SEMA3D: variants seen among roughly 807,000 people sequenced by gnomAD.
SEMA3D encodes semaphorin 3D, also known as semaphorin-3D.
In SEMA3D, 84 loss-of-function variants were observed where a neutral mutation model predicts 100.1. The observed-to-expected ratio is 0.84, with a 90% CI of 0.70 to 1.01. The LOEUF (loss-of-function observed/expected upper bound fraction) is 1.01, where lower values mean the gene tolerates loss of function less well. SEMA3D is among the 50% of genes least tolerant of loss of function. The pLI, the probability that SEMA3D is intolerant of heterozygous loss-of-function variation, is 0.00. For missense variants in SEMA3D, 875 were observed against 934.1 expected (o/e 0.94, Z 0.82); for synonymous variants, 312 against 320.7 (o/e 0.97, Z 0.29).
the SEMA3D span, among the ~76,000 whole-genome samples, chr7:85,229,798 T>C: frequency 6.6e-6 from 1 of 152,146 alleles, no homozygotes; most frequent in African/African-American, 2.4e-5. Flanking sequence ...CTGTTTTTCC[T>C]GTTCTTCATT....
At chr7:85,188,409 A>T (rs1791620866), upstream of SEMA3D, among the ~76,000 whole-genome samples, 1 of 152,200 alleles carries the variant, frequency 6.6e-6, no homozygotes, top group South Asian at 2.1e-4. Context: ...TTCAAACTAT[A>T]GCAACTTTTA....
intron 16 of SEMA3D, 111 bp from the exon 17 acceptor site, chr7:85,012,957 C>T: frequency 1.3e-6 from 1 of 768,010 alleles, no homozygotes. Context: ...GCTTGTCTTA[C>T]AGTTCAACTT....
rs149906227 is a variant in SEMA3D at position 85,071,046 on chromosome 7, TG to T, written c.495+1915del. Among the ~76,000 whole-genome samples the T allele has an allele frequency of 7.9e-3, 1,199 of 152,236 alleles. 25 individuals are homozygous for T. The highest frequency in any genetic ancestry group is 0.028 in the African/African-American group (1,156 of 41,558). ...CTGCCCACCTCAGCCTCCCAAAGTG[TG>T]AGCCACTGCGTCCGGCCAGCACTTG... On this transcript the variant is annotated intron_variant, in intron 6 of 18. Transcript: ENST00000284136.
At chr7:85,180,398 T>C (rs1411243558) in intron 1 of SEMA3D, among the ~76,000 whole-genome samples, 2 of 152,198 alleles carry the variant, frequency 1.3e-5, no homozygotes, top group Non-Finnish European at 2.9e-5. Context: ...ACCTCTTTCC[T>C]TTATAAATTA....
At chr7:85,096,094 T>C (rs1204239309) in intron 4 of SEMA3D, among the ~76,000 whole-genome samples, 1 of 152,072 alleles carries the variant, frequency 6.6e-6, no homozygotes, top group East Asian at 1.9e-4. Flanking sequence ...TTGGAAAAAA[T>C]GCCTTTTAAG....
At chr7:85,019,771 G>A (rs1215813736) in intron 14 of SEMA3D, among the ~76,000 whole-genome samples, 1 of 151,548 alleles carries the variant, frequency 6.6e-6, no homozygotes, top group African/African-American at 2.4e-5. Context: ...GGTGAGAGGA[G>A]TTTAGCATAC....
intron 2 of SEMA3D, among the ~76,000 whole-genome samples, chr7:85,135,585 A>G (rs1789838289): frequency 6.6e-6 from 1 of 151,892 alleles, no homozygotes; most frequent in Non-Finnish European, 1.5e-5. Flanking sequence ...CAGCACACCA[A>G]CATGGCACAT....
At position 85,022,591 on chromosome 7, in the gene SEMA3D, G is replaced by A. The variant is rs138312476; in HGVS notation, c.1214C>T (p.Pro405Leu). ...PGTCPSKTYD[P>L]LIKSTRDFPD... The stretch of plus-strand genomic sequence containing the variant: ...AAAATCTCGGGTGGACTTAATCAGT[G>A]GGTCATAGGTTTTGCTTGGACACTG... The change falls in exon 13 of 19, where the codon CCA becomes CTA. Residue 405 changes from proline (P) to leucine (L), a missense_variant. Physicochemically the swap from Pro to Leu is moderately conservative, Grantham distance 98. Transcript: ENST00000284136. 2.1e-4 allele frequency: 332 copies of A among 1,611,500 alleles called. 2 individuals carry two copies. The highest frequency in any genetic ancestry group is 3.3e-5 in the Admixed American group (2 of 59,834).
chr7:85,140,158 A>G (rs1278931618), intron 2 of SEMA3D: 3 of 426,848 alleles, frequency 7.0e-6, no homozygotes, highest in Non-Finnish European at 9.4e-6. Flanking sequence ...TACTAATATT[A>G]AAAAATTAAG....
intron 1 of SEMA3D, among the ~76,000 whole-genome samples, chr7:85,172,284 A>G (rs1397875719): frequency 6.6e-6 from 1 of 151,930 alleles, no homozygotes; most frequent in African/African-American, 2.4e-5. Context: ...TTAAAATCTG[A>G]TATATTGATG....
At chr7:85,177,365 T>C (rs994763586) in intron 1 of SEMA3D, among the ~76,000 whole-genome samples, 1 of 152,098 alleles carries the variant, frequency 6.6e-6, no homozygotes, top group Non-Finnish European at 1.5e-5. Flanking sequence ...ATGGTATATA[T>C]ATTATACATA....
At chr7:85,106,408 C>G (rs180973999) in intron 3 of SEMA3D, among the ~76,000 whole-genome samples, 2 of 151,796 alleles carry the variant, frequency 1.3e-5, no homozygotes, top group South Asian at 4.1e-4. Flanking sequence ...TAGACAAATA[C>G]GACAATATGA....
At chr7:85,209,454 A>G in the SEMA3D span, among the ~76,000 whole-genome samples, 1 of 152,008 alleles carries the variant, frequency 6.6e-6, no homozygotes, top group Non-Finnish European at 1.5e-5. Flanking sequence ...CTCTGAAGGG[A>G]TGATGGGGAG....
intron 2 of SEMA3D, among the ~76,000 whole-genome samples, chr7:85,139,381 A>C (rs1376184317): frequency 6.6e-6 from 1 of 152,154 alleles, no homozygotes; most frequent in African/African-American, 2.4e-5. Flanking sequence ...CAATGTAGCA[A>C]AAATATCGTT....
the SEMA3D span, among the ~76,000 whole-genome samples, chr7:85,221,289 G>A: frequency 6.6e-6 from 1 of 151,866 alleles, no homozygotes; most frequent in Non-Finnish European, 1.5e-5. Flanking sequence ...CAAAAGTAGG[G>A]GAAATAGAGA....
intron 2 of SEMA3D, chr7:85,142,429 T>A (rs1790079055): frequency 1.1e-6 from 1 of 923,402 alleles, no homozygotes; most frequent in Non-Finnish European, 1.3e-6. Flanking sequence ...TTTCTAAAGA[T>A]GTCATAATTT....
chr7:85,219,182 G>A, the SEMA3D span, among the ~76,000 whole-genome samples: 1 of 152,168 alleles, frequency 6.6e-6, no homozygotes, highest in South Asian at 2.1e-4. Flanking sequence ...AGAGTTTGTG[G>A]TGGCATCTGC....
intron 3 of SEMA3D, among the ~76,000 whole-genome samples, chr7:85,121,189 C>T (rs1789404011): frequency 6.6e-6 from 1 of 152,176 alleles, no homozygotes; most frequent in African/African-American, 2.4e-5. Context: ...AGTTGACCAA[C>T]CATAATTCAT....
intron 13 of SEMA3D, among the ~76,000 whole-genome samples, chr7:85,022,179 C>T (rs553251490): frequency 4.0e-4 from 61 of 151,950 alleles, no homozygotes; most frequent in African/African-American, 1.4e-3. Context: ...AGACACATTG[C>T]TGTCAAATAC....
Sources: gnomAD v4.1 joint callset for allele counts (sites outside exome capture counted in the v4.1 genomes callset) on GRCh38, gnomAD v4.1.1 for gene constraint, MANE v1.5 for transcripts, NCBI Gene and HGNC (gene_info 2026-07-23, HGNC 2026-07-21) for gene names.